The following DSCAM variants were observed in gnomAD, a reference collection of about 807,000 sequenced individuals.
DSCAM encodes the protein cell adhesion molecule DSCAM.
DSCAM carries 47 observed loss-of-function variants against 217.7 expected under a neutral mutation model. That is an observed-to-expected ratio of 0.22 (90% CI 0.17 to 0.28). DSCAM has a LOEUF of 0.28. DSCAM is among the 10% of genes least tolerant of loss of function. The pLI, the probability that DSCAM is intolerant of heterozygous loss-of-function variation, is 1.00. For missense variants in DSCAM, 2,080 were observed against 2,618.3 expected, an observed-to-expected ratio of 0.79 and a Z score of 4.49; for synonymous variants, 1,056 against 1,015.3, an observed-to-expected ratio of 1.04 and a Z score of -0.76.
chr21:40,037,686 CAA>C (rs2088652523), intron 32 of DSCAM, among the ~76,000 whole-genome samples: 1 of 148,862 alleles, frequency 6.7e-6, no homozygotes, highest in Non-Finnish European at 1.5e-5. Flanking sequence ...CATATGGAAC[CAA>C]AAAAGAGCCC....
chr21:40,525,634 G>A (rs73902662), intron 3 of DSCAM, among the ~76,000 whole-genome samples: 71 of 152,302 alleles, frequency 4.7e-4, no homozygotes, highest in African/African-American at 1.4e-3. Flanking sequence ...TTCTGTGCAA[G>A]GAGGAAATAG....
intron 8 of DSCAM, among the ~76,000 whole-genome samples, chr21:40,334,983 T>G (rs2074415458): frequency 6.6e-6 from 1 of 152,104 alleles, no homozygotes; most frequent in Non-Finnish European, 1.5e-5. Context: ...GGCCTTTTAG[T>G]GTTTTCTTGT....
chr21:40,341,881 T>G (rs573042245), intron 6 of DSCAM, among the ~76,000 whole-genome samples: 2 of 152,328 alleles, frequency 1.3e-5, no homozygotes, highest in South Asian at 4.1e-4. Flanking sequence ...TTATGTTTCA[T>G]GTCATTTCAG....
chr21:40,327,736 T>C (rs915369591), intron 8 of DSCAM, among the ~76,000 whole-genome samples: 3 of 152,166 alleles, frequency 2.0e-5, no homozygotes, highest in African/African-American at 7.2e-5. Context: ...TCTAAATTGT[T>C]GAGAATATTT....
At chr21:40,216,866 TAA>T (rs543681595) in intron 11 of DSCAM, among the ~76,000 whole-genome samples, 1 of 152,388 alleles carries the variant, frequency 6.6e-6, no homozygotes, top group African/African-American at 2.4e-5. Flanking sequence ...TTGGCAGGGC[TAA>T]GTGACCAATG....
chr21:40,347,715 T>C lies in DSCAM; in HGVS notation c.1165A>G (p.Lys389Glu). The change falls in exon 6 of 33, where the codon AAG becomes GAG. Residue 389 changes from lysine (K) to glutamate (E), a missense_variant. This residue lies in a region of DSCAM where 568 missense variants were observed against 678.1 expected (regional missense o/e 0.84). Transcript: ENST00000400454. ...TAGTCTTGAGCGGACAGCTTGTCCTTGCGCACAAAGCACTGGTATGCGCCC... is the reference window on the plus strand; with the variant it reads ...TAGTCTTGAGCGGACAGCTTGTCCTCGCGCACAAAGCACTGGTATGCGCCC... The part of the protein sequence containing the change: ...DGGAYQCFVR[K>E]DKLSAQDYVQ... 1 of 1,614,188 alleles carries C rather than the reference T, an allele frequency of 6.2e-7. No individual in the cohort carries two copies.
intron 3 of DSCAM, among the ~76,000 whole-genome samples, chr21:40,536,989 A>T (rs1013259812): frequency 6.6e-6 from 1 of 152,112 alleles, no homozygotes; most frequent in African/African-American, 2.4e-5. Context: ...GAACTGCAAA[A>T]CACCTAACTT....
intron 11 of DSCAM, among the ~76,000 whole-genome samples, chr21:40,235,604 G>C (rs554470780): frequency 6.6e-6 from 1 of 151,994 alleles, no homozygotes; most frequent in African/African-American, 2.4e-5. Flanking sequence ...ACCCATGAGG[G>C]CCAAACACTG....
chr21:40,334,229 C>G (rs1033353404), intron 8 of DSCAM, among the ~76,000 whole-genome samples: 1 of 152,116 alleles, frequency 6.6e-6, no homozygotes, highest in African/African-American at 2.4e-5. Context: ...CTGAACTCTA[C>G]TCTCCCATAT....
intron 1 of DSCAM, among the ~76,000 whole-genome samples, chr21:40,831,182 G>C (rs1010064447): frequency 3.9e-5 from 6 of 152,334 alleles, no homozygotes; most frequent in Non-Finnish European, 7.3e-5. Flanking sequence ...TTTGGACAAT[G>C]GACACACTCC....
At chr21:40,592,373 ATAAGT>A (rs1310382606) in intron 3 of DSCAM, among the ~76,000 whole-genome samples, 2 of 152,206 alleles carry the variant, frequency 1.3e-5, no homozygotes, top group Non-Finnish European at 2.9e-5. Flanking sequence ...CTTATTTTTA[ATAAGT>A]TAAAGAGACT....
chr21:40,535,162 ACTCT>A (rs2076485619), intron 3 of DSCAM, among the ~76,000 whole-genome samples: 2 of 152,200 alleles, frequency 1.3e-5, no homozygotes, highest in East Asian at 3.9e-4. Context: ...ATACAATGAC[ACTCT>A]CTATCTTAAA....
chr21:40,052,349 CTA>C (rs2146498273), intron 29 of DSCAM, among the ~76,000 whole-genome samples: 2 of 152,304 alleles, frequency 1.3e-5, no homozygotes, highest in East Asian at 3.9e-4. Context: ...AGAACCATGA[CTA>C]TGCAGAGAAG....
chr21:40,134,432 C>T (rs1323018527), intron 18 of DSCAM, among the ~76,000 whole-genome samples: 1 of 152,224 alleles, frequency 6.6e-6, no homozygotes, highest in Non-Finnish European at 1.5e-5. Flanking sequence ...TAGGAAGCTT[C>T]TGCAAGCTGA....
chr21:40,355,521 C>T (rs2123655690), intron 4 of DSCAM, among the ~76,000 whole-genome samples: 1 of 152,302 alleles, frequency 6.6e-6, no homozygotes, highest in Non-Finnish European at 1.5e-5. Context: ...CTTTGCATGA[C>T]TATGAAGAAT....
At chr21:40,649,269 C>G (rs1414826627) in intron 3 of DSCAM, among the ~76,000 whole-genome samples, 1 of 152,184 alleles carries the variant, frequency 6.6e-6, no homozygotes, top group African/African-American at 2.4e-5. Context: ...AGCCCCCACC[C>G]TGTTGGGTTG....
At chr21:40,748,481 C>G (rs972941258) in intron 1 of DSCAM, among the ~76,000 whole-genome samples, 1 of 151,728 alleles carries the variant, frequency 6.6e-6, no homozygotes, top group Admixed American at 6.6e-5. Flanking sequence ...ATTCCATGTA[C>G]AATAGTTACA....
At chr21:40,482,981 A>G (rs1037811414) in intron 3 of DSCAM, among the ~76,000 whole-genome samples, 18 of 152,304 alleles carry the variant, frequency 1.2e-4, no homozygotes, top group South Asian at 8.3e-4. Context: ...GGTGCTGTGG[A>G]TGTAATTATT....
At chr21:40,784,677 A>G (rs955178348) in intron 1 of DSCAM, among the ~76,000 whole-genome samples, 1 of 152,218 alleles carries the variant, frequency 6.6e-6, no homozygotes, top group Non-Finnish European at 1.5e-5. Flanking sequence ...GGAAGCCCTC[A>G]GGAATGGGAT....
Sources: allele counts gnomAD v4.1 joint callset (sites outside exome capture counted in the v4.1 genomes callset), GRCh38; gene constraint gnomAD v4.1.1; regional missense constraint gnomAD v4.1.1; transcripts MANE v1.5; gene names NCBI Gene and HGNC (gene_info 2026-07-23, HGNC 2026-07-21).